VGLL3: variants seen among roughly 807,000 people sequenced by gnomAD.
VGLL3 encodes transcription cofactor vestigial-like protein 3.
VGLL3 carries 18 observed loss-of-function variants against 29.2 expected under a neutral mutation model. The ratio of observed to expected loss-of-function variants is 0.62; its 90% CI spans 0.43 to 0.91. The LOEUF is 0.91. Among genes scored for constraint, VGLL3 ranks in the 40% least tolerant of loss-of-function variants. The pLI is 0.00. For synonymous variants in VGLL3, 180 were observed against 151.8 expected, an observed-to-expected ratio of 1.19 and a Z score of -1.36; for missense variants, 440 against 413.2, an observed-to-expected ratio of 1.06 and a Z score of -0.56.
At chr3:86,973,065 TAAA>T (rs201793564) in intron 2 of VGLL3, among the ~76,000 whole-genome samples, 1 of 147,498 alleles carries the variant, frequency 6.8e-6, no homozygotes. Context: ...AAATGTCTCT[TAAA>T]AAAAACACAC....
chr3:86,984,385 C>A (rs1381077052), intron 1 of VGLL3, among the ~76,000 whole-genome samples: 1 of 152,050 alleles, frequency 6.6e-6, no homozygotes, highest in Non-Finnish European at 1.5e-5. Flanking sequence ...AGTGCATTTG[C>A]CTCTAAATGA....
intron 2 of VGLL3, among the ~76,000 whole-genome samples, chr3:86,970,995 A>G (rs1705089388): frequency 1.3e-5 from 2 of 152,198 alleles, no homozygotes; most frequent in South Asian, 2.1e-4. Context: ...TATTTACAGA[A>G]GAAGACATTT....
At chr3:86,973,560 C>T (rs1575874000) in intron 2 of VGLL3, among the ~76,000 whole-genome samples, 4 of 152,106 alleles carry the variant, frequency 2.6e-5, no homozygotes. Flanking sequence ...TCAAAATGGG[C>T]CTTGTGACTC....
intron 1 of VGLL3, among the ~76,000 whole-genome samples, chr3:86,983,500 T>A (rs1367000902): frequency 6.6e-6 from 1 of 152,172 alleles, no homozygotes; most frequent in Non-Finnish European, 1.5e-5. Flanking sequence ...CAAATGATTA[T>A]CTCACTTCAA....
chr3:86,961,195 T>C (rs1266735271), intron 3 of VGLL3, among the ~76,000 whole-genome samples: 1 of 152,074 alleles, frequency 6.6e-6, no homozygotes, highest in African/African-American at 2.4e-5. Context: ...TCTCATGCCA[T>C]GAGCAGCTTG....
chr3:86,963,762 A>C (rs1559725258), intron 3 of VGLL3, among the ~76,000 whole-genome samples: 1 of 152,224 alleles, frequency 6.6e-6, no homozygotes, highest in African/African-American at 2.4e-5. Context: ...CAGATAAAGA[A>C]GTTGAAGTAG....
intron 3 of VGLL3, among the ~76,000 whole-genome samples, chr3:86,956,441 TAAGAAA>T (rs1559721995): frequency 6.6e-6 from 1 of 152,216 alleles, no homozygotes; most frequent in Non-Finnish European, 1.5e-5. Flanking sequence ...ACAACTCCTT[TAAGAAA>T]ACTCTCAAAA....
In VGLL3 at chr3:86,941,856, A is replaced by G. The variant is rs1374939307; in HGVS notation, c.*5168T>C. Reference sequence around the variant, plus strand: ...GTGCTGTGACCAATCTCCATGACCAAGTTACCATGAAAAGTAACATTTTGA... The same window carrying G: ...GTGCTGTGACCAATCTCCATGACCAGGTTACCATGAAAAGTAACATTTTGA... On this transcript the variant is annotated 3_prime_UTR_variant, in exon 4 of 4. Transcript: ENST00000398399. 1.3e-5 allele frequency: 2 copies of G among 152,056 alleles called. No homozygotes were observed. Among genetic ancestry groups the G allele is most frequent in the Non-Finnish European group, 2.9e-5 (2 of 68,000 alleles). The allele number at this position is 152,056 out of a possible 1,614,324, so 9.4% of individuals were successfully genotyped here.
rs937990320 is a variant in VGLL3 at position 86,968,983 on chromosome 3, C to T, written c.544G>A (p.Ala182Thr). The T allele has an allele frequency of 9.3e-6, 15 of 1,613,988 alleles. No individual in the cohort carries two copies. In the Admixed American group the frequency reaches 2.0e-4, roughly 22 times the overall value. Residue 182 changes from alanine to threonine, a missense_variant, in exon 3 of 4, where the codon GCT becomes ACT. Transcript: ENST00000398399. The stretch of plus-strand genomic sequence containing the variant: ...TGTCCCGGCCAAGGACTGGGATCAG[C>T]TGCAGAAAAGGTGCCAGGGGGTCCA... ...VTGPPGTFSA[A>T]DPSPWPGHNL... is the part of the protein sequence containing the mutation.
At chr3:86,950,255 A>T (rs572525674) in intron 3 of VGLL3, among the ~76,000 whole-genome samples, 3 of 152,340 alleles carry the variant, frequency 2.0e-5, no homozygotes, top group Non-Finnish European at 2.9e-5. Flanking sequence ...AGGAAAAAAA[A>T]TCATAAAAAT....
chr3:86,940,344 T>C lies in VGLL3; in HGVS notation c.*6680A>G, dbSNP rs1339110608. The C allele has an allele frequency of 1.3e-5, 2 of 152,644 alleles. No homozygotes were observed. Among genetic ancestry groups the C allele is most frequent in the Admixed American group, 6.5e-5 (1 of 15,288 alleles). 9.5% of individuals were successfully genotyped at this position (152,644 alleles called of 1,614,324 possible). On this transcript the variant is annotated 3_prime_UTR_variant, in exon 4 of 4. Transcript: ENST00000398399. The stretch of plus-strand genomic sequence containing the variant: ...TAAAATACACCTTGGTCAACCAATA[T>C]CCTTAGAAGCATTGTATTATAAAAT...
intron 1 of VGLL3, among the ~76,000 whole-genome samples, chr3:86,980,619 A>G (rs1311661459): frequency 6.6e-6 from 1 of 152,086 alleles, no homozygotes; most frequent in Non-Finnish European, 1.5e-5. Flanking sequence ...CCATAGAAAC[A>G]TATGGTATGT....
At chr3:86,978,875 T>A (rs1705268499) in intron 1 of VGLL3, 73 bp from the exon 2 acceptor site, 4 of 1,450,110 alleles carry the variant, frequency 2.8e-6, no homozygotes, top group Non-Finnish European at 3.7e-6. Context: ...AGTTTTCACT[T>A]TTTTAAAAAA....
chr3:86,969,183 G>A, intron 2 of VGLL3, 60 bp from the exon 3 acceptor site: 4 of 1,496,642 alleles, frequency 2.7e-6, no homozygotes, highest in Admixed American at 2.2e-5. Context: ...GGATAGACTT[G>A]CCTCTAATTG....
rs767170896 is a variant in VGLL3 at position 86,990,749 on chromosome 3, C to A, written c.-6G>T. 7.5e-7 allele frequency: 1 copy of A among 1,339,790 alleles called. No homozygotes were observed. Among genetic ancestry groups the A allele is most frequent in the Non-Finnish European group, 9.6e-7 (1 of 1,042,844 alleles). 83.0% of individuals were successfully genotyped at this position (1,339,790 alleles called of 1,614,324 possible). ...ATCACCTCCGCACAACTCATGGCAG[C>A]CGGGGCAGTGGCGGCCCCCGAGCTG... On this transcript the variant is annotated 5_prime_UTR_variant, in exon 1 of 4. Transcript: ENST00000398399.
chr3:86,966,451 T>C (rs970215953), intron 3 of VGLL3, among the ~76,000 whole-genome samples: 15 of 152,062 alleles, frequency 9.9e-5, no homozygotes, highest in Non-Finnish European at 1.9e-4. Context: ...TCAAAATTTA[T>C]GAAACGAATC....
chr3:86,940,858 T>C lies in VGLL3; in HGVS notation c.*6166A>G, dbSNP rs1704382059. The C allele has an allele frequency of 6.6e-6, 1 of 152,386 alleles. No individual in the cohort carries two copies. The highest frequency in any genetic ancestry group is 2.1e-4 in the South Asian group (1 of 4,838). The allele number at this position is 152,386 out of a possible 1,614,324, so 9.4% of individuals were successfully genotyped here. A position where few individuals can be genotyped will look rare whatever the true frequency, so the allele number is the denominator to read the frequency against. ...AGTTTTATGAATTATACTTTTTTTA[T>C]TAGTTAAAAATGACAGCATAACTAA... On this transcript the variant is annotated 3_prime_UTR_variant, in exon 4 of 4. Transcript: ENST00000398399.
chr3:86,979,201 G>A (rs975318372), intron 1 of VGLL3, among the ~76,000 whole-genome samples: 5 of 152,166 alleles, frequency 3.3e-5, no homozygotes, highest in Non-Finnish European at 5.9e-5. Flanking sequence ...GTACAGCAGT[G>A]TTATGGTTTA....
In VGLL3 at chr3:86,969,966, A is replaced by G. The variant is rs139605228; in HGVS notation, c.404-843T>C. On this transcript the variant is annotated intron_variant, in intron 2 of 3. Coordinates refer to ENST00000398399, the MANE Select transcript of VGLL3 (RefSeq NM_016206.4). The stretch of plus-strand genomic sequence containing the variant: ...TGAAGCCAGGTGGCCTAAATGGCCA[A>G]TGGCTGGGCCTCTTCATAAAGTGCC... 3.6e-3 allele frequency among the ~76,000 whole-genome samples: 547 copies of G among 152,264 alleles called. 3 individuals carry two copies. Among genetic ancestry groups the G allele is most frequent in the African/African-American group, 0.012 (518 of 41,560 alleles).
Sources: allele counts gnomAD v4.1 joint callset (sites outside exome capture counted in the v4.1 genomes callset), GRCh38; gene constraint gnomAD v4.1.1; transcripts MANE v1.5; gene names NCBI Gene and HGNC (gene_info 2026-07-23, HGNC 2026-07-21).